The following PRAMEF1 variants were observed in gnomAD, a reference collection of about 807,000 sequenced individuals.
PRAMEF1 encodes PRAME family member 1.
PRAMEF1 carries 21 observed loss-of-function variants against 38.2 expected under a neutral mutation model. That is an observed-to-expected ratio of 0.55 (90% CI 0.39 to 0.79). The LOEUF (loss-of-function observed/expected upper bound fraction) is 0.79. Ranked by LOEUF, PRAMEF1 falls within the 30% of genes least tolerant of loss-of-function variation. The probability of loss-of-function intolerance (pLI) is 0.00; values close to 1 mark genes in which losing one functional copy is unlikely to be tolerated. For synonymous variants in PRAMEF1, 200 were observed against 229.0 expected (o/e 0.87, Z 1.14); for missense variants, 497 against 565.8 (o/e 0.88, Z 1.23).
chr1:12,795,454 T>C lies in PRAMEF1; in HGVS notation c.883T>C (p.Leu295=), dbSNP rs768311304. The C allele has an allele frequency of 9.3e-6, 15 of 1,611,730 alleles. No individual in the cohort carries two copies. The highest frequency in any genetic ancestry group is 1.3e-5 in the Non-Finnish European group (15 of 1,178,710). Residue 295 remains leucine, a synonymous_variant, in exon 4 of 4, where the codon TTG becomes CTG. Transcript: ENST00000332296. ...TCTCCACAGGTGCCTCCAGAACCCCTTGGAGAACTTGGAATTAACTTATGG... is the reference window on the plus strand; with the variant it reads ...TCTCCACAGGTGCCTCCAGAACCCCCTGGAGAACTTGGAATTAACTTATGG... The part of the protein sequence containing the change: ...EQLIRCLQNP[L]ENLELTYGYL...
chr1:12,793,363 A>C lies in PRAMEF1; in HGVS notation c.136A>C (p.Arg46=). The C allele has an allele frequency of 6.2e-7, 1 of 1,610,002 alleles. No individual in the cohort carries two copies. Among genetic ancestry groups the C allele is most frequent in the Non-Finnish European group, 8.5e-7 (1 of 1,177,942 alleles). The part of the protein sequence containing the change: ...YLPLFMEAFS[R]RHFQTLTVMV... The stretch of plus-strand genomic sequence containing the variant: ...CCCACTCTTCATGGAGGCCTTCAGC[A>C]GGAGACACTTCCAGACTCTGACGGT... Residue 46 remains arginine (R), a synonymous_variant, in exon 2 of 4, where the codon AGG becomes CGG. Transcript: ENST00000332296.
Position 12,794,620 on chromosome 1 carries a change from T to A in PRAMEF1, c.866+127T>A. On this transcript the variant is annotated intron_variant, in intron 3 of 3. Coordinates refer to ENST00000332296, the MANE Select transcript of PRAMEF1 (RefSeq NM_023013.4). The stretch of plus-strand genomic sequence containing the variant: ...TCACAGTGAAGGGGACATCAGAATG[T>A]CAACACATTGTCCCATTCAGTGTTC... The A allele has an allele frequency of 2.0e-6, 3 of 1,531,398 alleles. No homozygotes were observed. The South Asian group carries it at 3.8e-5, about 19-fold the overall frequency. The allele number at this position is 1,531,398 out of a possible 1,614,324, so 94.9% of individuals were successfully genotyped here. A position where few individuals can be genotyped will look rare whatever the true frequency, so the allele number is the denominator to read the frequency against.
chr1:12,794,699 C>G (rs1201051188), intron 3 of PRAMEF1: 1 of 1,433,298 alleles, frequency 7.0e-7, no homozygotes, highest in African/African-American at 1.4e-5. Flanking sequence ...GAGGCGTCAC[C>G]TGGGGTAGAA....
In PRAMEF1 at chr1:12,793,263, G is replaced by C. The variant is rs1463361526; in HGVS notation, c.36G>C (p.Leu12=). ...AGGCCCCACCCAGACTACTGGAGCT[G>C]GCAGGGCAGAGCCTGCTGAGAGACC... is the stretch of plus-strand genomic sequence containing the variant. The part of the protein sequence containing the change: ...SIQAPPRLLE[L]AGQSLLRDQA... Residue 12 remains leucine, a synonymous_variant, in exon 2 of 4, where the codon CTG becomes CTC. Coordinates refer to ENST00000332296, the MANE Select transcript of PRAMEF1 (RefSeq NM_023013.4). 1.2e-6 allele frequency: 2 copies of C among 1,607,266 alleles called. No individual in the cohort carries two copies. The highest frequency in any genetic ancestry group is 4.5e-5 in the East Asian group (2 of 44,374).
intron 3 of PRAMEF1, chr1:12,794,913 G>A (rs757170392): frequency 3.4e-5 from 45 of 1,327,018 alleles, no homozygotes; most frequent in Non-Finnish European, 4.3e-5. Flanking sequence ...TAGTGATCAC[G>A]AATGATCCTG....
chr1:12,794,652 C>G (rs1639360236), intron 3 of PRAMEF1, 159 bp downstream of exon 3: 4 of 1,503,494 alleles, frequency 2.7e-6, no homozygotes, highest in Non-Finnish European at 3.6e-6. Flanking sequence ...GTTCCATGTC[C>G]TGGAGTGGCT....
At chr1:12,791,856 C>G (rs546136664) in intron 1 of PRAMEF1, among the ~76,000 whole-genome samples, 29 of 151,196 alleles carry the variant, frequency 1.9e-4, no homozygotes, top group African/African-American at 6.8e-4. Context: ...AGGTATCCCA[C>G]ACAGCAATCT....
rs534885145 is a variant in PRAMEF1, at chr1:12,795,094, T to C, written c.867-344T>C. On this transcript the variant is annotated intron_variant, in intron 3 of 3. Transcript: ENST00000332296. ...GGGAGCCCCTGCTGACATGTAGCTC[T>C]AGCTGATGTCCCTAGACCTTGCTCA... 129 of 1,025,354 alleles carry C rather than the reference T, an allele frequency of 1.3e-4. 1 individual carries two copies. The highest frequency in any genetic ancestry group is 1.7e-4 in the Non-Finnish European group (122 of 735,158). 63.5% of individuals were successfully genotyped at this position (1,025,354 alleles called of 1,614,324 possible). A position where few individuals can be genotyped will look rare whatever the true frequency, so the allele number is the denominator to read the frequency against.
rs1248284649 is a variant in PRAMEF1, at chr1:12,793,945, G to A, written c.318G>A (p.Arg106=). ...RRWKLQVLDL[R]DVDENFWARW... ...GGAAACTTCAAGTGCTGGATTTGCG[G>A]GATGTTGACGAGAATTTCTGGGCCA... Residue 106 remains arginine, a synonymous_variant, in exon 3 of 4, where the codon CGG becomes CGA. Coordinates refer to ENST00000332296, the MANE Select transcript of PRAMEF1 (RefSeq NM_023013.4). 1.2e-6 allele frequency: 2 copies of A among 1,609,008 alleles called. No individual in the cohort carries two copies. The highest frequency in any genetic ancestry group is 3.3e-5 in the Admixed American group (2 of 59,728).
chr1:12,795,297 C>T (rs1474917270), intron 3 of PRAMEF1, 141 bp from the exon 4 acceptor site: 1 of 770,952 alleles, frequency 1.3e-6, no homozygotes, highest in Non-Finnish European at 2.1e-6. Flanking sequence ...GGGTCCTCAT[C>T]ATGCAGCAAC....
rs529159901 is a variant in PRAMEF1, at chr1:12,794,217, A to G, written c.590A>G (p.Lys197Arg). The G allele has an allele frequency of 2.0e-5, 33 of 1,611,486 alleles. 1 individual carries two copies. The highest frequency in any genetic ancestry group is 2.7e-5 in the Non-Finnish European group (32 of 1,178,410). ...CTAACGCCGATTAAATATCTCAGAA[A>G]GTCATTGAAAATAATATACCTGAAT... is the stretch of plus-strand genomic sequence containing the variant. ...NYLTPIKYLR[K>R]SLKIIYLNSI... is the part of the protein sequence containing the mutation. Residue 197 changes from lysine (K) to arginine (R), a missense_variant, in exon 3 of 4, where the codon AAG (lysine) becomes AGG (arginine). Transcript: ENST00000332296.
At chr1:12,792,508 T>G (rs1463236014) in intron 1 of PRAMEF1, among the ~76,000 whole-genome samples, 3 of 151,176 alleles carry the variant, frequency 2.0e-5, no homozygotes, top group Non-Finnish European at 4.4e-5. Context: ...CTCCTTTCTC[T>G]GCCTCCAGAG....
chr1:12,793,189 G>T lies in PRAMEF1; in HGVS notation c.-25-14G>T. On this transcript the variant is annotated splice_polypyrimidine_tract_variant and intron_variant, in intron 1 of 3. Coordinates refer to ENST00000332296, the MANE Select transcript of PRAMEF1 (RefSeq NM_023013.4). ...CCCTGAGAGTGACACATTTTCCCTG[G>T]ATTTGTCTTCTAGAGATTTTCCTTG... is the stretch of plus-strand genomic sequence containing the variant. 1 of 1,604,612 alleles carries T rather than the reference G, an allele frequency of 6.2e-7. No individual in the cohort carries two copies. The highest frequency in any genetic ancestry group is 8.5e-7 in the Non-Finnish European group (1 of 1,175,714).
rs538917165 is a variant in PRAMEF1 at position 12,795,321 on chromosome 1, A to G, written c.867-117A>G. The G allele has an allele frequency of 5.1e-6, 4 of 782,330 alleles. No individual in the cohort carries two copies. The African/African-American group carries it at 7.0e-5, about 14-fold the overall frequency. 48.5% of individuals were successfully genotyped at this position (782,330 alleles called of 1,614,324 possible). On this transcript the variant is annotated intron_variant, in intron 3 of 3. Transcript: ENST00000332296. ...TCATGCAGCAACTTCCATGAGGACC[A>G]TCATCAGATGGTGGGAACAAACTTG... is the stretch of plus-strand genomic sequence containing the variant.
chr1:12,792,639 C>A lies in PRAMEF1; in HGVS notation c.-25-564C>A, dbSNP rs2359500. On this transcript the variant is annotated intron_variant, in intron 1 of 3. Transcript: ENST00000332296. ...TCACCCAGGCTGGAGAGCAGTGGTG[C>A]GATCTTGGCTCATTGCAACTTCTGC... 5.3e-5 allele frequency among the ~76,000 whole-genome samples: 8 copies of A among 151,338 alleles called. No individual in the cohort carries two copies. The East Asian group carries it at 9.8e-4, about 19-fold the overall frequency.
Position 12,795,688 on chromosome 1 carries a change from C to G in PRAMEF1, c.1117C>G (p.Leu373Val). The G allele has an allele frequency of 6.2e-7, 1 of 1,611,432 alleles. No individual in the cohort carries two copies. The highest frequency in any genetic ancestry group is 8.5e-7 in the Non-Finnish European group (1 of 1,179,638). Residue 373 changes from leucine (L) to valine (V), a missense_variant, in exon 4 of 4, where the codon CTG becomes GTG. Leu to Val is a conservative substitution (Grantham distance 32). Coordinates refer to ENST00000332296, the MANE Select transcript of PRAMEF1 (RefSeq NM_023013.4). ...YSQLSAILPG[L>V]SRCSQLTTFY... ...CCAACTCAGTGCCATCCTGCCTGGC[C>G]TGAGCCGCTGCTCCCAGCTCACCAC... is the stretch of plus-strand genomic sequence containing the variant.
At chr1:12,794,609 A>C (rs2100300461) in intron 3 of PRAMEF1, 116 bp downstream of exon 3, 1 of 1,535,512 alleles carries the variant, frequency 6.5e-7, no homozygotes, top group Middle Eastern at 2.4e-4. Flanking sequence ...AGTGAAGGGG[A>C]CATCAGAATG....
rs144203811 is a variant in PRAMEF1, at chr1:12,796,274, A to T, written c.*278A>T. ...CTGTGTCCAGGCCACATGCAACTTAAAGGAAGCACAGGCAAGTGTTCAGTG... is the reference window on the plus strand; with the variant it reads ...CTGTGTCCAGGCCACATGCAACTTATAGGAAGCACAGGCAAGTGTTCAGTG... On this transcript the variant is annotated 3_prime_UTR_variant, in exon 4 of 4. Coordinates refer to ENST00000332296, the MANE Select transcript of PRAMEF1 (RefSeq NM_023013.4). 1 of 516,986 alleles carries T rather than the reference A, an allele frequency of 1.9e-6. No individual in the cohort carries two copies. The highest frequency in any genetic ancestry group is 3.6e-5 in the Admixed American group (1 of 27,780). The allele number at this position is 516,986 out of a possible 1,614,324, so 32.0% of individuals were successfully genotyped here.
rs1398136332 is a variant in PRAMEF1 at position 12,792,557 on chromosome 1, A to T, written c.-25-646A>T. On this transcript the variant is annotated intron_variant, in intron 1 of 3. Coordinates refer to ENST00000332296, the MANE Select transcript of PRAMEF1 (RefSeq NM_023013.4). ...AGTCATGCATGACCACACCTGGCTA[A>T]CATTTTAATTAACTTATTTATCAAT... Among the ~76,000 whole-genome samples the T allele has an allele frequency of 1.3e-5, 2 of 151,280 alleles. 1 individual carries two copies. The highest frequency in any genetic ancestry group is 3.0e-5 in the Non-Finnish European group (2 of 67,790).
Sources: allele counts gnomAD v4.1 joint callset (sites outside exome capture counted in the v4.1 genomes callset), GRCh38; gene constraint gnomAD v4.1.1; transcripts MANE v1.5; gene names NCBI Gene and HGNC (gene_info 2026-07-23, HGNC 2026-07-21).